DNAJC6: variants seen among roughly 807,000 people sequenced by gnomAD.
DNAJC6 encodes auxilin.
A neutral mutation model predicts 110.0 loss-of-function variants in DNAJC6; 34 were observed. The ratio of observed to expected loss-of-function variants is 0.31; its 90% CI spans 0.24 to 0.41. The LOEUF is 0.41. Among genes scored for constraint, DNAJC6 ranks in the 10% least tolerant of loss-of-function variants. The pLI, the probability that DNAJC6 is intolerant of heterozygous loss-of-function variation, is 1.00. For missense variants in DNAJC6, 1,031 were observed against 1,207.8 expected (o/e 0.85, Z 2.17); for synonymous variants, 406 against 437.2 (o/e 0.93, Z 0.89).
At chr1:65,367,505 A>G (rs1422997103) in intron 4 of DNAJC6, among the ~76,000 whole-genome samples, 1 of 152,138 alleles carries the variant, frequency 6.6e-6, no homozygotes. Flanking sequence ...AATCTTTTGA[A>G]TTATTTTTCT....
intron 1 of DNAJC6, among the ~76,000 whole-genome samples, chr1:65,325,194 A>C (rs1403964205): frequency 6.6e-6 from 1 of 152,230 alleles, no homozygotes; most frequent in East Asian, 1.9e-4. Context: ...TTCATGGAAT[A>C]CAAGGTAGAC....
At chr1:65,390,266 C>A (rs1398496340) in intron 11 of DNAJC6, among the ~76,000 whole-genome samples, 2 of 152,168 alleles carry the variant, frequency 1.3e-5, no homozygotes, top group African/African-American at 4.8e-5. Context: ...AGGATTCTAT[C>A]TTCCGCTGTC....
At chr1:65,293,266 C>T (rs1337507745) in intron 1 of DNAJC6, among the ~76,000 whole-genome samples, 1 of 152,196 alleles carries the variant, frequency 6.6e-6, no homozygotes, top group Non-Finnish European at 1.5e-5. Flanking sequence ...GCTGTCTTCT[C>T]ATTGAGTCCT....
Position 65,414,458 on chromosome 1 carries a change from T to C in DNAJC6, c.*1433T>C, listed in dbSNP as rs934888630. 6.5e-6 allele frequency: 1 copy of C among 152,778 alleles called. No individual in the cohort carries two copies. The highest frequency in any genetic ancestry group is 6.5e-5 in the Admixed American group (1 of 15,302). The allele number at this position is 152,778 out of a possible 1,614,324, so 9.5% of individuals were successfully genotyped here. On this transcript the variant is annotated 3_prime_UTR_variant, in exon 19 of 19. Transcript: ENST00000371069. ...CTTCAAAGGTTCATGCTCAATATTG[T>C]GAAAAGCTTTTAAAAGTTGTTTTGA...
At chr1:65,330,979 T>A (rs1192381852) in intron 1 of DNAJC6, among the ~76,000 whole-genome samples, 5 of 152,200 alleles carry the variant, frequency 3.3e-5, no homozygotes, top group African/African-American at 1.2e-4. Context: ...AGAAACAGCG[T>A]GTAAGTTGCA....
chr1:65,336,504 CA>C (rs1333970808), intron 1 of DNAJC6, among the ~76,000 whole-genome samples: 2 of 152,120 alleles, frequency 1.3e-5, no homozygotes, highest in African/African-American at 2.4e-5. Context: ...AAAGGGGAAA[CA>C]CAGGTAGAAA....
chr1:65,363,168 C>G (rs1178435415), intron 1 of DNAJC6, among the ~76,000 whole-genome samples: 1 of 152,130 alleles, frequency 6.6e-6, no homozygotes, highest in Non-Finnish European at 1.5e-5. Context: ...CCTCCATGAT[C>G]CAATCACTTC....
intron 18 of DNAJC6, 111 bp from the exon 19 acceptor site, chr1:65,412,813 A>T (rs1024433687): frequency 6.4e-6 from 6 of 940,236 alleles, no homozygotes; most frequent in Non-Finnish European, 9.8e-6. Flanking sequence ...AGAAATGGCC[A>T]AATAGAAAAA....
At chr1:65,342,776 A>G (rs74080548) in intron 1 of DNAJC6, among the ~76,000 whole-genome samples, 2,083 of 152,302 alleles carry the variant, frequency 0.014, 60 homozygotes, top group African/African-American at 0.047. Flanking sequence ...CTGCACTTCA[A>G]TGCAATTGAA....
chr1:65,412,843 C>G, intron 18 of DNAJC6, 81 bp from the exon 19 acceptor site: 1 of 1,122,654 alleles, frequency 8.9e-7, no homozygotes, highest in Non-Finnish European at 1.3e-6. Flanking sequence ...TGCTTAGAGC[C>G]CATATATTGG....
chr1:65,400,155 C>T (rs79354358), intron 14 of DNAJC6, among the ~76,000 whole-genome samples: 1 of 152,008 alleles, frequency 6.6e-6, no homozygotes, highest in African/African-American at 2.4e-5. Context: ...ACTCCAGCCT[C>T]GGTGACAGAG....
chr1:65,284,010 CTCTT>C (rs1482020138), intron 1 of DNAJC6, among the ~76,000 whole-genome samples: 9 of 152,156 alleles, frequency 5.9e-5, no homozygotes, highest in African/African-American at 2.2e-4. Flanking sequence ...GACCTGACTT[CTCTT>C]TCTTCTCTCC....
At chr1:65,390,490 A>T (rs568856876) in intron 11 of DNAJC6, among the ~76,000 whole-genome samples, 1 of 152,244 alleles carries the variant, frequency 6.6e-6, no homozygotes, top group Non-Finnish European at 1.5e-5. Flanking sequence ...CCTCAATATA[A>T]CACTTCCAGC....
intron 1 of DNAJC6, among the ~76,000 whole-genome samples, chr1:65,289,567 G>A (rs1654131352): frequency 4.6e-5 from 7 of 152,158 alleles, no homozygotes; most frequent in Admixed American, 4.6e-4. Flanking sequence ...CATGATGACT[G>A]TGAGGTTAAG....
chr1:65,342,429 G>A (rs1645397154), intron 1 of DNAJC6, among the ~76,000 whole-genome samples: 1 of 152,116 alleles, frequency 6.6e-6, no homozygotes, highest in African/African-American at 2.4e-5. Flanking sequence ...CACCATGGGA[G>A]GATACAGGGA....
chr1:65,301,483 A>G (rs1644978210), intron 1 of DNAJC6, among the ~76,000 whole-genome samples: 1 of 152,164 alleles, frequency 6.6e-6, no homozygotes. Context: ...ACCAGTTGCA[A>G]GTCTGGGCCT....
chr1:65,320,021 C>T (rs936869809), intron 1 of DNAJC6, among the ~76,000 whole-genome samples: 2 of 152,188 alleles, frequency 1.3e-5, no homozygotes, highest in African/African-American at 4.8e-5. Flanking sequence ...TATGTGTACG[C>T]ATGTGACTTA....
At chr1:65,384,384 GTT>G (rs1645851095) in intron 6 of DNAJC6, 58 bp downstream of exon 6, 1 of 1,357,686 alleles carries the variant, frequency 7.4e-7, no homozygotes, top group Non-Finnish European at 9.5e-7. Flanking sequence ...ATCATGTACT[GTT>G]TTAAATCTGC....
At chr1:65,368,525 G>A (rs561836919) in intron 4 of DNAJC6, among the ~76,000 whole-genome samples, 34 of 147,690 alleles carry the variant, frequency 2.3e-4, no homozygotes, top group Admixed American at 1.4e-3. Flanking sequence ...TTCTCCTTCC[G>A]TTTTCCTTCC....
Sources: gnomAD v4.1 joint callset for allele counts (sites outside exome capture counted in the v4.1 genomes callset) on GRCh38, gnomAD v4.1.1 for gene constraint, MANE v1.5 for transcripts, NCBI Gene and HGNC (gene_info 2026-07-23, HGNC 2026-07-21) for gene names.